Variants in TUSC3 observed in about 807,000 individuals in gnomAD.
TUSC3 encodes tumor suppressor candidate 3, also known as dolichyl-diphosphooligosaccharide--protein glycosyltransferase subunit TUSC3.
In TUSC3, 45 loss-of-function variants were observed where a neutral mutation model predicts 44.8. The ratio of observed to expected loss-of-function variants is 1.00; its 90% CI spans 0.79 to 1.29. The LOEUF (loss-of-function observed/expected upper bound fraction) is 1.29, where lower values mean the gene tolerates loss of function less well. TUSC3 is among the 50% of genes most tolerant of loss of function. TUSC3 has a pLI of 0.00. For missense variants in TUSC3, 519 were observed against 437.9 expected, an observed-to-expected ratio of 1.19 and a Z score of -1.65; for synonymous variants, 212 against 152.9, an observed-to-expected ratio of 1.39 and a Z score of -2.85.
the TUSC3 span, among the ~76,000 whole-genome samples, chr8:15,815,629 A>C: frequency 6.6e-6 from 1 of 152,138 alleles, no homozygotes; most frequent in Non-Finnish European, 1.5e-5. Context: ...CGCAATCTTT[A>C]CCTATTCCCA....
At chr8:15,610,405 C>T (rs539708336) in intron 1 of TUSC3, among the ~76,000 whole-genome samples, 28 of 152,042 alleles carry the variant, frequency 1.8e-4, no homozygotes, top group Non-Finnish European at 3.8e-4. Flanking sequence ...CTGGTATTTT[C>T]AATGTAGAAT....
intron 2 of TUSC3, among the ~76,000 whole-genome samples, chr8:15,484,434 G>C (rs1003662870): frequency 6.6e-6 from 1 of 152,268 alleles, no homozygotes; most frequent in African/African-American, 2.4e-5. Context: ...GTAAATAAAC[G>C]CTTTTGTTTT....
At chr8:15,541,473 C>T (rs935272853) in intron 1 of TUSC3, among the ~76,000 whole-genome samples, 1 of 152,146 alleles carries the variant, frequency 6.6e-6, no homozygotes, top group Admixed American at 6.5e-5. Context: ...CTACACAGGG[C>T]TCAAAATCTG....
chr8:15,541,046 T>A (rs1801672694), intron 1 of TUSC3, among the ~76,000 whole-genome samples: 1 of 152,248 alleles, frequency 6.6e-6, no homozygotes, highest in Non-Finnish European at 1.5e-5. Context: ...TATGTTGAAC[T>A]CGGTGTATAC....
intron 1 of TUSC3, among the ~76,000 whole-genome samples, chr8:15,612,799 T>C (rs1804818757): frequency 6.6e-6 from 1 of 152,126 alleles, no homozygotes; most frequent in Non-Finnish European, 1.5e-5. Flanking sequence ...TTTCCTTTTC[T>C]GATGTGACAG....
At chr8:15,479,373 A>C (rs542847255) in intron 1 of TUSC3, among the ~76,000 whole-genome samples, 2 of 152,016 alleles carry the variant, frequency 1.3e-5, no homozygotes, top group African/African-American at 4.8e-5. Context: ...CTATGTTCCA[A>C]ATGGTATTGC....
chr8:15,808,933 T>C, the TUSC3 span, among the ~76,000 whole-genome samples: 5 of 152,196 alleles, frequency 3.3e-5, no homozygotes, highest in African/African-American at 9.6e-5. Flanking sequence ...TTAAGATATA[T>C]ATATAATTAT....
At chr8:15,618,866 G>T (rs1227490561) in intron 1 of TUSC3, among the ~76,000 whole-genome samples, 1 of 152,162 alleles carries the variant, frequency 6.6e-6, no homozygotes, top group East Asian at 1.9e-4. Context: ...CTGCCCTTCA[G>T]TATTAGGCGG....
chr8:15,565,594 G>C (rs913357255), intron 1 of TUSC3, among the ~76,000 whole-genome samples: 4 of 152,134 alleles, frequency 2.6e-5, no homozygotes, highest in African/African-American at 9.7e-5. Context: ...TGGAGCTATA[G>C]GCAGAGATTG....
At chr8:15,471,604 T>G (rs1240260401) in intron 1 of TUSC3, among the ~76,000 whole-genome samples, 1 of 151,128 alleles carries the variant, frequency 6.6e-6, no homozygotes, top group Non-Finnish European at 1.5e-5. Context: ...TAACGGAAAT[T>G]TCTTTCCAGT....
intron 5 of TUSC3, among the ~76,000 whole-genome samples, chr8:15,664,679 G>T (rs76019451): frequency 0.04 from 5,931 of 149,392 alleles, 365 homozygotes; most frequent in African/African-American, 0.13. Flanking sequence ...ATTCAACAAC[G>T]TTTGTAATAC....
rs2129175628 is a variant in TUSC3, at chr8:15,650,734, T to A, written c.346T>A (p.Trp116Arg). The change falls in exon 3 of 11, where the codon TGG becomes AGG. Residue 116 changes from tryptophan to arginine, a missense_variant. Physicochemically the swap from Trp to Arg is moderately radical, Grantham distance 101. Coordinates refer to ENST00000503731, the MANE Select transcript of TUSC3 (RefSeq NM_006765.4). ...AGAATATCAAATACTGGCGAACTCC[T>A]GGCGCTATTCATCTGCTTTTTGTAA... ...NEEYQILANSWRYSSAFCNKL... is the reference protein window; with the variant it reads ...NEEYQILANSRRYSSAFCNKL... The A allele has an allele frequency of 5.0e-6, 8 of 1,614,150 alleles. No homozygotes were observed. The highest frequency in any genetic ancestry group is 2.2e-5 in the East Asian group (1 of 44,870).
downstream of TUSC3, among the ~76,000 whole-genome samples, chr8:15,768,076 G>A (rs1812376984): frequency 6.6e-6 from 1 of 152,140 alleles, no homozygotes; most frequent in South Asian, 2.1e-4. Context: ...TAAAACAGTG[G>A]TAAACAGCCC....
At chr8:15,441,270 G>A (rs1800017446) in intron 1 of TUSC3, among the ~76,000 whole-genome samples, 1 of 152,092 alleles carries the variant, frequency 6.6e-6, no homozygotes, top group Non-Finnish European at 1.5e-5. Context: ...AGTCGGGCAT[G>A]GTGGCACGTG....
intron 6 of TUSC3, among the ~76,000 whole-genome samples, chr8:15,715,365 A>G (rs150425397): frequency 3.9e-5 from 6 of 152,188 alleles, no homozygotes; most frequent in African/African-American, 1.4e-4. Flanking sequence ...CTCTCCTTTA[A>G]AATACCTTAT....
At chr8:15,444,654 A>G (rs1800067139) in intron 1 of TUSC3, among the ~76,000 whole-genome samples, 1 of 152,212 alleles carries the variant, frequency 6.6e-6, no homozygotes, top group South Asian at 2.1e-4. Flanking sequence ...AGCCCATTTT[A>G]GAAGAGTGTA....
intron 6 of TUSC3, among the ~76,000 whole-genome samples, chr8:15,715,978 G>A (rs998018429): frequency 4.6e-5 from 7 of 152,182 alleles, no homozygotes; most frequent in Non-Finnish European, 7.4e-5. Flanking sequence ...TGGAAGGGTT[G>A]GGTGTGGTGG....
intron 2 of TUSC3, among the ~76,000 whole-genome samples, chr8:15,520,266 AT>A (rs1801279352): frequency 6.6e-6 from 1 of 152,198 alleles, no homozygotes; most frequent in Non-Finnish European, 1.5e-5. Context: ...GGATATAGAT[AT>A]GTTTAAATAT....
the TUSC3 span, among the ~76,000 whole-genome samples, chr8:15,778,535 C>T: frequency 6.6e-6 from 1 of 151,970 alleles, no homozygotes; most frequent in African/African-American, 2.4e-5. Flanking sequence ...CATCACCATG[C>T]GAACACAATA....
Sources: allele counts gnomAD v4.1 joint callset (sites outside exome capture counted in the v4.1 genomes callset), GRCh38; gene constraint gnomAD v4.1.1; transcripts MANE v1.5; gene names NCBI Gene and HGNC (gene_info 2026-07-23, HGNC 2026-07-21).